Variants in ARFGEF1 observed in about 807,000 individuals in gnomAD.
ARFGEF1 encodes the protein brefeldin A-inhibited guanine nucleotide-exchange protein 1.
In ARFGEF1, 42 loss-of-function variants were observed where a neutral mutation model predicts 231.0. The observed-to-expected ratio is 0.18, with a 90% confidence interval of 0.14 to 0.24. The LOEUF (loss-of-function observed/expected upper bound fraction) is 0.24, where lower values mean the gene tolerates loss of function less well. Among genes scored for constraint, ARFGEF1 ranks in the 10% least tolerant of loss-of-function variants. The pLI is 1.00. For synonymous variants in ARFGEF1, 710 were observed against 732.3 expected (o/e 0.97, Z 0.49); for missense variants, 1,345 against 2,192.0 (o/e 0.61, Z 7.72).
intron 1 of ARFGEF1, among the ~76,000 whole-genome samples, chr8:67,310,660 C>G (rs1379632278): frequency 6.6e-6 from 1 of 151,856 alleles, no homozygotes; most frequent in Non-Finnish European, 1.5e-5. Flanking sequence ...AGGAGCGTCT[C>G]TGCCCGGCCG....
chr8:67,218,146 A>G lies in ARFGEF1; in HGVS notation c.4339-8T>C. 2 of 1,427,034 alleles carry G rather than the reference A, an allele frequency of 1.4e-6. No individual in the cohort carries two copies. The highest frequency in any genetic ancestry group is 1.9e-5 in the South Asian group (1 of 52,290). The allele number at this position is 1,427,034 out of a possible 1,614,324, so 88.4% of individuals were successfully genotyped here. A position where few individuals can be genotyped will look rare whatever the true frequency, so the allele number is the denominator to read the frequency against. On this transcript the variant is annotated splice_polypyrimidine_tract_variant and splice_region_variant and intron_variant, in intron 30 of 38. Transcript: ENST00000262215. ...TGTCATCCATTCAGCTTTCTGGGGA[A>G]AAAAGTCATTAATGAACATCACGCC...
At chr8:67,332,388 T>C (rs1277163190) in intron 1 of ARFGEF1, among the ~76,000 whole-genome samples, 1 of 152,186 alleles carries the variant, frequency 6.6e-6, no homozygotes, top group Non-Finnish European at 1.5e-5. Flanking sequence ...AGCTAACCTA[T>C]CCTGAATCCC....
Position 67,342,314 on chromosome 8 carries a change from T to C in ARFGEF1, c.124+850A>G, listed in dbSNP as rs1808675504. 2.0e-5 allele frequency among the ~76,000 whole-genome samples: 3 copies of C among 152,204 alleles called. No homozygotes were observed. In the South Asian group the frequency reaches 6.2e-4, roughly 32 times the overall value. On this transcript the variant is annotated intron_variant, in intron 1 of 38. Transcript: ENST00000262215. ...AACCTCATAGGTAGGAGGTATTGTTTGGATTTTCCCTGCTGCGGGCTTCAT... is the reference window on the plus strand; with the variant it reads ...AACCTCATAGGTAGGAGGTATTGTTCGGATTTTCCCTGCTGCGGGCTTCAT...
chr8:67,205,726 C>T (rs1370982766), intron 34 of ARFGEF1, among the ~76,000 whole-genome samples: 3 of 151,968 alleles, frequency 2.0e-5, no homozygotes, highest in South Asian at 4.1e-4. Context: ...GGCATGGTTG[C>T]GCACACTTGT....
chr8:67,183,710 C>G lies in ARFGEF1; in HGVS notation c.561-8138G>C, dbSNP rs142565216. ...ATTCAGTTAAATGTAAAATGCCAAACTCTAAAACTCACAGAAGATACCAAC... is the reference window on the plus strand; with the variant it reads ...ATTCAGTTAAATGTAAAATGCCAAAGTCTAAAACTCACAGAAGATACCAAC... On this transcript the variant is annotated intron_variant, in intron 5 of 5. Transcript: ENST00000518789. 4.2e-4 allele frequency among the ~76,000 whole-genome samples: 64 copies of G among 152,258 alleles called. No individual in the cohort carries two copies. In the East Asian group the frequency reaches 7.3e-3, roughly 17 times the overall value.
At chr8:67,178,367 G>A (rs543865845) in intron 5 of ARFGEF1, among the ~76,000 whole-genome samples, 1 of 152,326 alleles carries the variant, frequency 6.6e-6, no homozygotes, top group Admixed American at 6.5e-5. Flanking sequence ...GACAGGATGA[G>A]CTCTTTTCAA....
intron 4 of ARFGEF1, 85 bp from the exon 5 acceptor site, chr8:67,296,695 G>T: frequency 9.1e-7 from 1 of 1,104,720 alleles, no homozygotes; most frequent in Non-Finnish European, 1.3e-6. Context: ...CTGTCACCCA[G>T]GCTGGAGTGC....
chr8:67,270,583 A>G (rs1439881645), intron 10 of ARFGEF1, among the ~76,000 whole-genome samples: 1 of 152,126 alleles, frequency 6.6e-6, no homozygotes, highest in Admixed American at 6.5e-5. Flanking sequence ...AAACCATACA[A>G]CATCACAACC....
intron 7 of ARFGEF1, among the ~76,000 whole-genome samples, chr8:67,282,484 G>A (rs1805574683): frequency 6.6e-6 from 1 of 152,058 alleles, no homozygotes; most frequent in African/African-American, 2.4e-5. Context: ...TTTTCAGCAA[G>A]ACAAAAACAG....
At chr8:67,193,694 A>G, downstream of ARFGEF1, 3 of 1,164,282 alleles carry the variant, frequency 2.6e-6, no homozygotes, top group Non-Finnish European at 3.7e-6. Context: ...TGAGGGATAG[A>G]TGGAATGAGT....
intron 14 of ARFGEF1, among the ~76,000 whole-genome samples, chr8:67,264,524 GAA>G (rs1419277071): frequency 1.3e-5 from 2 of 152,044 alleles, no homozygotes; most frequent in Non-Finnish European, 2.9e-5. Context: ...GCTGATGTTG[GAA>G]AAGGGCTGAG....
downstream of ARFGEF1, among the ~76,000 whole-genome samples, chr8:67,196,592 CAATT>C (rs1837985511): frequency 6.6e-6 from 1 of 152,172 alleles, no homozygotes; most frequent in South Asian, 2.1e-4. Context: ...AAATTTGCCA[CAATT>C]AAATTACTGA....
intron 1 of ARFGEF1, among the ~76,000 whole-genome samples, chr8:67,309,520 T>C (rs1273258827): frequency 1.3e-5 from 2 of 152,326 alleles, no homozygotes; most frequent in East Asian, 1.9e-4. Context: ...TTCGCATACC[T>C]TCCCTACTTA....
chr8:67,184,003 C>T (rs755584109), intron 5 of ARFGEF1, among the ~76,000 whole-genome samples: 1 of 151,980 alleles, frequency 6.6e-6, no homozygotes, highest in African/African-American at 2.4e-5. Flanking sequence ...CAGGCGCCTG[C>T]CACCACGCCT....
At chr8:67,175,259 C>T (rs773124318), downstream of ARFGEF1, 2 of 1,507,134 alleles carry the variant, frequency 1.3e-6, no homozygotes, top group African/African-American at 1.4e-5. Context: ...TTGAAAACAA[C>T]ATTTAACTTA....
At chr8:67,249,023 TATATC>T in intron 19 of ARFGEF1, among the ~76,000 whole-genome samples, 1 of 150,472 alleles carries the variant, frequency 6.6e-6, no homozygotes, top group South Asian at 2.1e-4. Context: ...ATTCCAGGAA[TATATC>T]ATTCATTCCT....
chr8:67,290,861 TA>T (rs1310057781), intron 6 of ARFGEF1, among the ~76,000 whole-genome samples: 1 of 151,702 alleles, frequency 6.6e-6, no homozygotes, highest in African/African-American at 2.4e-5. Context: ...AAACAAATAG[TA>T]AAGTACTGTT....
intron 1 of ARFGEF1, among the ~76,000 whole-genome samples, chr8:67,314,645 G>A (rs1056815546): frequency 6.0e-5 from 8 of 132,930 alleles, no homozygotes; most frequent in East Asian, 2.4e-4. Context: ...GAAATCTCCC[G>A]GGTCCTGCAA....
intron 1 of ARFGEF1, among the ~76,000 whole-genome samples, chr8:67,335,064 A>G (rs1808278960): frequency 6.6e-6 from 1 of 152,006 alleles, no homozygotes; most frequent in African/African-American, 2.4e-5. Context: ...AAAAGTTAAC[A>G]GTAGTTATTT....
Sources: gnomAD v4.1 joint callset for allele counts (sites outside exome capture counted in the v4.1 genomes callset) on GRCh38, gnomAD v4.1.1 for gene constraint, MANE v1.5 for transcripts, NCBI Gene and HGNC (gene_info 2026-07-23, HGNC 2026-07-21) for gene names.